UTRN: variants seen among roughly 807,000 people sequenced by gnomAD.
UTRN encodes the protein utrophin, also known as dystrophin-related protein 1.
In UTRN, 283 loss-of-function variants were observed where a neutral mutation model predicts 463.9. That is an observed-to-expected ratio of 0.61 (90% CI 0.55 to 0.67). UTRN has a LOEUF of 0.67. UTRN is among the 30% of genes least tolerant of loss of function. The pLI is 0.00. For synonymous variants in UTRN, 1,442 were observed against 1,431.5 expected, an observed-to-expected ratio of 1.01 and a Z score of -0.17; for missense variants, 3,922 against 4,084.3, an observed-to-expected ratio of 0.96 and a Z score of 1.08.
intron 3 of UTRN, among the ~76,000 whole-genome samples, chr6:144,413,043 C>T (rs1478835805): frequency 6.6e-6 from 1 of 152,130 alleles, no homozygotes; most frequent in East Asian, 1.9e-4. Context: ...CAGATTCTGT[C>T]TCCCTGCTGT....
chr6:144,548,712 C>A lies in UTRN; in HGVS notation c.6668C>A (p.Ser2223Ter). ...ATTCCTGTTCAGTCTCATCGTACTT[C>A]GGAAATTTCAATTCCTGCTGATCTT... ...SDIPVQSHRTSEISIPADLDK... is the reference protein window; with the variant it reads ...SDIPVQSHRT Residue 2223 changes from serine (S) to a stop codon, truncating the protein, a stop_gained, in exon 47 of 75, where the codon TCG (serine) becomes TAG (stop). Coordinates refer to ENST00000367545, the MANE Select transcript of UTRN (RefSeq NM_007124.3). LOFTEE classifies it high-confidence loss of function. 6.2e-7 allele frequency: 1 copy of A among 1,614,026 alleles called. No homozygotes were observed. The highest frequency in any genetic ancestry group is 8.5e-7 in the Non-Finnish European group (1 of 1,179,970).
chr6:144,334,348 G>A (rs889923099), intron 2 of UTRN, among the ~76,000 whole-genome samples: 15 of 151,186 alleles, frequency 9.9e-5, no homozygotes, highest in African/African-American at 3.2e-4. Flanking sequence ...CAGGGTGGGG[G>A]CAGCAGATTA....
At chr6:144,845,513 G>A (rs769327045) in intron 73 of UTRN, among the ~76,000 whole-genome samples, 9 of 152,118 alleles carry the variant, frequency 5.9e-5, no homozygotes, top group Non-Finnish European at 1.3e-4. Flanking sequence ...AAATATTTTT[G>A]TGTGATTTGT....
At chr6:144,537,860 T>C in intron 44 of UTRN, 143 bp downstream of exon 44, 1 of 1,234,456 alleles carries the variant, frequency 8.1e-7, no homozygotes, top group Non-Finnish European at 1.1e-6. Flanking sequence ...AGGAATATCT[T>C]TTATTTTTTA....
At chr6:144,625,935 G>GA (rs572667532) in intron 51 of UTRN, among the ~76,000 whole-genome samples, 17 of 151,898 alleles carry the variant, frequency 1.1e-4, no homozygotes, top group Admixed American at 3.9e-4. Flanking sequence ...TGAAAAGAAG[G>GA]AAAAAAAATC....
intron 56 of UTRN, among the ~76,000 whole-genome samples, chr6:144,753,583 C>T (rs112612621): frequency 1.3e-5 from 2 of 151,796 alleles, no homozygotes; most frequent in Non-Finnish European, 2.9e-5. Flanking sequence ...TGTGCCACCG[C>T]ACTCCAGCCT....
At chr6:144,496,457 T>C (rs1793655437) in intron 33 of UTRN, among the ~76,000 whole-genome samples, 1 of 152,234 alleles carries the variant, frequency 6.6e-6, no homozygotes, top group Non-Finnish European at 1.5e-5. Context: ...GGTTATTCGT[T>C]AAATATTATT....
At chr6:144,406,880 C>G (rs1378257987) in intron 3 of UTRN, among the ~76,000 whole-genome samples, 1 of 152,102 alleles carries the variant, frequency 6.6e-6, no homozygotes, top group African/African-American at 2.4e-5. Flanking sequence ...CAATTTACTC[C>G]TAATTTTATT....
At chr6:144,448,169 G>A (rs1325589207) in intron 16 of UTRN, among the ~76,000 whole-genome samples, 1 of 152,188 alleles carries the variant, frequency 6.6e-6, no homozygotes, top group Non-Finnish European at 1.5e-5. Context: ...CAGATGAATG[G>A]ATAAACAAAA....
At chr6:144,703,103 T>C (rs1024679820) in intron 53 of UTRN, among the ~76,000 whole-genome samples, 3 of 152,188 alleles carry the variant, frequency 2.0e-5, no homozygotes, top group African/African-American at 7.2e-5. Context: ...GAAGAGTAAC[T>C]GCTTTCTGAA....
rs1299633276 is a variant in UTRN at position 144,436,916 on chromosome 6, A to ATATATATG, written c.1060-644_1060-643insATGTATAT. On this transcript the variant is annotated intron_variant, in intron 10 of 74. Transcript: ENST00000367545. ...TTTATATATAATCTATTTATATATT[A>ATATATATG]TATATGTATATGTATATGTGTGTGT... 8.0e-4 allele frequency among the ~76,000 whole-genome samples: 117 copies of ATATATATG among 145,782 alleles called. 1 individual carries two copies. Among genetic ancestry groups the ATATATATG allele is most frequent in the African/African-American group, 2.8e-3 (112 of 40,186 alleles).
At position 144,554,819 on chromosome 6, in the gene UTRN, A is replaced by C; in HGVS notation, c.7060A>C (p.Lys2354Gln). Residue 2354 changes from lysine (K) to glutamine (Q), a missense_variant, in exon 49 of 75, where the codon AAA becomes CAA. By Grantham distance (53) the Lys-to-Gln change is moderately conservative. Around this residue, in one of 3 missense-constraint regions of UTRN, gnomAD observed 1,309 missense variants for 1,452.6 expected, o/e 0.90. Transcript: ENST00000367545. Reference sequence around the variant, plus strand: ...GGAGGAGACTGAAGAACTGATGAGAAAATATGAGGCTCGACTCTATATTCT... The same window carrying C: ...GGAGGAGACTGAAGAACTGATGAGACAATATGAGGCTCGACTCTATATTCT... ...HREETEELMR[K>Q]YEARLYILQQ... 6.2e-7 allele frequency: 1 copy of C among 1,614,064 alleles called. No homozygotes were observed. The highest frequency in any genetic ancestry group is 8.5e-7 in the Non-Finnish European group (1 of 1,179,984).
At position 144,286,495 on chromosome 6, in the gene UTRN, C is replaced by T. The variant is rs1035148483; in HGVS notation, c.-93+674C>T. Among the ~76,000 whole-genome samples, 15 of 152,274 alleles carry T rather than the reference C, an allele frequency of 9.9e-5. No individual in the cohort carries two copies. The South Asian group carries it at 2.9e-3, about 29-fold the overall frequency. ...TGAGGGGACAGGAGGAGGGGGGCGC[C>T]CCATTGGTGTGTAGTCCCGCGCAGT... On this transcript the variant is annotated intron_variant, in intron 1 of 74. Coordinates refer to ENST00000367545, the MANE Select transcript of UTRN (RefSeq NM_007124.3). This position sits in a 1 kb window ranked among gnomAD's most constrained non-coding sequence, Gnocchi z 4.4.
At chr6:144,733,041 C>T (rs890305654) in intron 54 of UTRN, among the ~76,000 whole-genome samples, 3 of 152,072 alleles carry the variant, frequency 2.0e-5, no homozygotes, top group Non-Finnish European at 4.4e-5. Flanking sequence ...GGATCATCAC[C>T]TTGAATGCAA....
chr6:144,548,575 A>AT, intron 46 of UTRN, 65 bp from the exon 47 acceptor site: 2 of 1,477,492 alleles, frequency 1.4e-6, no homozygotes, highest in South Asian at 1.2e-5. Context: ...ACGTGTCACC[A>AT]TGACACCACC....
intron 34 of UTRN, among the ~76,000 whole-genome samples, chr6:144,500,331 C>T (rs1794057487): frequency 6.6e-6 from 1 of 152,174 alleles, no homozygotes; most frequent in Non-Finnish European, 1.5e-5. Flanking sequence ...GATGGTATCT[C>T]ATTGTGGTTT....
At chr6:144,568,089 T>TA (rs978518551) in intron 50 of UTRN, among the ~76,000 whole-genome samples, 9 of 152,140 alleles carry the variant, frequency 5.9e-5, no homozygotes, top group East Asian at 1.9e-4. Context: ...CGTTTACATT[T>TA]AAAAAAAATC....
intron 74 of UTRN, among the ~76,000 whole-genome samples, chr6:144,848,739 C>G (rs1417640406): frequency 6.6e-6 from 1 of 152,086 alleles, no homozygotes; most frequent in Non-Finnish European, 1.5e-5. Flanking sequence ...AACCAAGAAG[C>G]CAGAGTGCTG....
chr6:144,554,277 G>A (rs1051494316), intron 48 of UTRN, among the ~76,000 whole-genome samples: 2 of 152,160 alleles, frequency 1.3e-5, no homozygotes, highest in African/African-American at 4.8e-5. Flanking sequence ...TCTCCTTTGA[G>A]GGTAACAGGT....
Sources: gnomAD v4.1 joint callset for allele counts (sites outside exome capture counted in the v4.1 genomes callset) on GRCh38, gnomAD v4.1.1 for gene constraint, gnomAD v4.1.1 regional missense constraint, Gnocchi (gnomAD v3.1) non-coding constraint, MANE v1.5 for transcripts, NCBI Gene and HGNC (gene_info 2026-07-23, HGNC 2026-07-21) for gene names.